PM20D1: variants seen among roughly 807,000 people sequenced by gnomAD.
PM20D1 encodes the protein N-fatty-acyl-amino acid synthase/hydrolase PM20D1.
Under a neutral mutation model 53.8 loss-of-function variants are expected in PM20D1, and 53 were observed. The observed-to-expected ratio is 0.98, with a 90% confidence interval of 0.79 to 1.24. The LOEUF (loss-of-function observed/expected upper bound fraction) is 1.24. PM20D1 is among the 50% of genes most tolerant of loss of function. The pLI, the probability that PM20D1 is intolerant of heterozygous loss-of-function variation, is 0.00. For missense variants in PM20D1, 564 were observed against 616.8 expected, an observed-to-expected ratio of 0.91 and a Z score of 0.91; for synonymous variants, 239 against 241.3, an observed-to-expected ratio of 0.99 and a Z score of 0.09.
Position 205,850,021 on chromosome 1 carries a change from C to A in PM20D1, c.52G>T (p.Val18Phe), listed in dbSNP as rs751342882. 61 of 1,614,064 alleles carry A rather than the reference C, an allele frequency of 3.8e-5. No individual in the cohort carries two copies. The highest frequency in any genetic ancestry group is 5.1e-5 in the Non-Finnish European group (60 of 1,180,032). The change falls in exon 1 of 13, where the codon GTT (valine) becomes TTT (phenylalanine). Residue 18 changes from valine to phenylalanine, a missense_variant. Val to Phe is a conservative substitution (Grantham distance 50). Transcript: ENST00000367136. ...ATCGATCTGGAGACGGTAGGGAAAACTAGGAGCAGCATAGCCACCAGGGCC... is the reference window on the plus strand; with the variant it reads ...ATCGATCTGGAGACGGTAGGGAAAAATAGGAGCAGCATAGCCACCAGGGCC... ...VLALVAMLLL[V>F]FPTVSRSMGP...
At chr1:205,846,350 C>T (rs1229368015) in intron 2 of PM20D1, among the ~76,000 whole-genome samples, 2 of 151,964 alleles carry the variant, frequency 1.3e-5, no homozygotes, top group Non-Finnish European at 2.9e-5. Context: ...CACACCACTG[C>T]ACTCCAGCCT....
intron 10 of PM20D1, among the ~76,000 whole-genome samples, chr1:205,836,742 A>T (rs1177774582): frequency 6.6e-6 from 1 of 152,118 alleles, no homozygotes; most frequent in Non-Finnish European, 1.5e-5. Flanking sequence ...GCCTCAAGCA[A>T]TCCTCTGGCC....
chr1:205,838,889 T>C (rs540878078), intron 10 of PM20D1, among the ~76,000 whole-genome samples: 1 of 152,148 alleles, frequency 6.6e-6, no homozygotes, highest in Non-Finnish European at 1.5e-5. Context: ...AACCCACCTC[T>C]CTCCCACCTC....
chr1:205,838,512 T>C (rs1456203787), intron 10 of PM20D1, among the ~76,000 whole-genome samples: 1 of 152,206 alleles, frequency 6.6e-6, no homozygotes, highest in Non-Finnish European at 1.5e-5. Context: ...TATACATTCA[T>C]TTTTAAACTG....
At chr1:205,844,666 T>C in intron 4 of PM20D1, 145 bp downstream of exon 4, 7 of 684,590 alleles carry the variant, frequency 1.0e-5, no homozygotes, top group Non-Finnish European at 1.4e-5. Context: ...CCTTAGATAG[T>C]CCTGGCATAC....
At chr1:205,846,648 G>A (rs1475825773) in intron 2 of PM20D1, among the ~76,000 whole-genome samples, 1 of 152,308 alleles carries the variant, frequency 6.6e-6, no homozygotes, top group African/African-American at 2.4e-5. Flanking sequence ...TCTAGTGTAT[G>A]TGTTATGTGA....
chr1:205,844,179 T>C lies in PM20D1; in HGVS notation c.615A>G (p.Leu205=). ...GTGAQRISAL[L]QSRGVQLAFI... Reference sequence around the variant, plus strand: ...AGGCTAGCTGGACGCCCCTTGACTGTAGCAGGGCTGAGATCCTCTGAGCCC... The same window carrying C: ...AGGCTAGCTGGACGCCCCTTGACTGCAGCAGGGCTGAGATCCTCTGAGCCC... Residue 205 remains leucine, a synonymous_variant, in exon 5 of 13, where the codon CTA becomes CTG. Coordinates refer to ENST00000367136, the MANE Select transcript of PM20D1 (RefSeq NM_152491.5). 1 of 1,613,816 alleles carries C rather than the reference T, an allele frequency of 6.2e-7. No individual in the cohort carries two copies. Among genetic ancestry groups the C allele is most frequent in the East Asian group, 2.2e-5 (1 of 44,872 alleles).
At chr1:205,838,765 A>T (rs1281097822) in intron 10 of PM20D1, among the ~76,000 whole-genome samples, 2 of 152,186 alleles carry the variant, frequency 1.3e-5, no homozygotes, top group Non-Finnish European at 2.9e-5. Context: ...TAATTTCTGA[A>T]TTCCCAATCT....
chr1:205,842,151 TA>T lies in PM20D1; in HGVS notation c.965+2del. ...TGTGAAAAAAGGAAAGATAATACTTTACCTGCTTATAAGTGGTTCAAATAGC... is the reference window on the plus strand; with the variant it reads ...TGTGAAAAAAGGAAAGATAATACTTTCCTGCTTATAAGTGGTTCAAATAGC... On this transcript the variant is annotated splice_donor_variant, in intron 8 of 12. Transcript: ENST00000367136. LOFTEE classifies it high-confidence loss of function. 6.2e-7 allele frequency: 1 copy of T among 1,608,054 alleles called. No individual in the cohort carries two copies. The highest frequency in any genetic ancestry group is 1.1e-5 in the South Asian group (1 of 90,944).
chr1:205,841,678 A>T (rs1021865309), intron 9 of PM20D1, 133 bp downstream of exon 9: 2 of 902,336 alleles, frequency 2.2e-6, no homozygotes, highest in Non-Finnish European at 3.5e-6. Flanking sequence ...AGAAAGGCCT[A>T]TGTCTTTGCG....
At chr1:205,843,105 G>C (rs1411530919) in intron 6 of PM20D1, among the ~76,000 whole-genome samples, 1 of 152,140 alleles carries the variant, frequency 6.6e-6, no homozygotes, top group Non-Finnish European at 1.5e-5. Context: ...ACCCAGCCAG[G>C]AGTAAGCTCT....
rs59126866 is a variant in PM20D1 at position 205,835,651 on chromosome 1, CAAAAA to C, written c.1117-2890_1117-2886del. ...TGGGTGACAGAGCAAGACTCCGACT[CAAAAA>C]AAAAAAAAAAAAAAAAAAAAGGTGT... On this transcript the variant is annotated intron_variant, in intron 10 of 12. Transcript: ENST00000367136. Among the ~76,000 whole-genome samples the C allele has an allele frequency of 2.2e-4, 12 of 55,560 alleles. 1 individual carries two copies. Among genetic ancestry groups the C allele is most frequent in the Admixed American group, 6.4e-4 (2 of 3,120 alleles). 36.4% of individuals were successfully genotyped at this position (55,560 alleles called of 152,430 possible).
Position 205,829,228 on chromosome 1 carries a change from T to C in PM20D1, c.1386-485A>G, listed in dbSNP as rs1049176494. Reference sequence around the variant, plus strand: ...TTTTTTTGAAGAGATGGAGTCTCATTATGTTGCCCAGGCTGGTCTCAAACT... The same window carrying C: ...TTTTTTTGAAGAGATGGAGTCTCATCATGTTGCCCAGGCTGGTCTCAAACT... On this transcript the variant is annotated intron_variant, in intron 12 of 12. Coordinates refer to ENST00000367136, the MANE Select transcript of PM20D1 (RefSeq NM_152491.5). Among the ~76,000 whole-genome samples, 4 of 152,088 alleles carry C rather than the reference T, an allele frequency of 2.6e-5. No homozygotes were observed. In the South Asian group the frequency reaches 8.3e-4, roughly 32 times the overall value.
chr1:205,831,077 G>C (rs559098737), intron 11 of PM20D1, among the ~76,000 whole-genome samples: 11 of 152,210 alleles, frequency 7.2e-5, no homozygotes, highest in Admixed American at 7.2e-4. Context: ...TCAAACCTTA[G>C]GTCTGGAAAG....
intron 6 of PM20D1, 38 bp from the exon 7 acceptor site, chr1:205,842,789 C>G: frequency 6.3e-7 from 1 of 1,594,838 alleles, no homozygotes. Flanking sequence ...TTAGCGAACC[C>G]CAGCCAAAGA....
At position 205,840,166 on chromosome 1, in the gene PM20D1, C is replaced by A. The variant is rs550883903; in HGVS notation, c.1116+86G>T. On this transcript the variant is annotated intron_variant, in intron 10 of 12. Transcript: ENST00000367136. ...TTGAATAAATGGGACACTGGACCAG[C>A]CCTAGGACTGTAGTTAAACCCGGGC... The A allele has an allele frequency of 7.9e-5, 99 of 1,246,000 alleles. 1 individual carries two copies. In the South Asian group the frequency reaches 1.3e-3, roughly 16 times the overall value. 77.2% of individuals were successfully genotyped at this position (1,246,000 alleles called of 1,614,324 possible).
At position 205,850,013 on chromosome 1, in the gene PM20D1, A is replaced by G. The variant is rs1657097227; in HGVS notation, c.60T>C (p.Pro20=). The part of the protein sequence containing the change: ...ALVAMLLLVF[P]TVSRSMGPRS... ...TCGGGCCCATCGATCTGGAGACGGT[A>G]GGGAAAACTAGGAGCAGCATAGCCA... The change falls in exon 1 of 13, where the codon CCT becomes CCC. Residue 20 remains proline (P), a synonymous_variant. Transcript: ENST00000367136. 2 of 1,614,154 alleles carry G rather than the reference A, an allele frequency of 1.2e-6. No homozygotes were observed. Among genetic ancestry groups the G allele is most frequent in the Non-Finnish European group, 1.7e-6 (2 of 1,180,016 alleles).
intron 3 of PM20D1, 113 bp from the exon 4 acceptor site, chr1:205,845,010 T>C (rs938132815): frequency 1.1e-6 from 1 of 873,324 alleles, no homozygotes; most frequent in Admixed American, 2.2e-5. Context: ...GAGGATGTGA[T>C]AGATTCTCTT....
At position 205,828,441 on chromosome 1, in the gene PM20D1, A is replaced by T. The variant is rs1487539940; in HGVS notation, c.*179T>A. 4 of 853,342 alleles carry T rather than the reference A, an allele frequency of 4.7e-6. No homozygotes were observed. The highest frequency in any genetic ancestry group is 1.7e-5 in the African/African-American group (1 of 58,134). The allele number at this position is 853,342 out of a possible 1,614,324, so 52.9% of individuals were successfully genotyped here. On this transcript the variant is annotated 3_prime_UTR_variant, in exon 13 of 13. Coordinates refer to ENST00000367136, the MANE Select transcript of PM20D1 (RefSeq NM_152491.5). Reference sequence around the variant, plus strand: ...ATGTCGGGAGGAAGGGAGAAGCCAGATTTCTGCTGACTTTACCTTACCCCG... The same window carrying T: ...ATGTCGGGAGGAAGGGAGAAGCCAGTTTTCTGCTGACTTTACCTTACCCCG...
Sources: allele counts gnomAD v4.1 joint callset (sites outside exome capture counted in the v4.1 genomes callset), GRCh38; gene constraint gnomAD v4.1.1; transcripts MANE v1.5; gene names NCBI Gene and HGNC (gene_info 2026-07-23, HGNC 2026-07-21).